Variants in OVCA2 observed in about 807,000 individuals in gnomAD.
The protein encoded by OVCA2 is OVCA2 serine hydrolase domain containing.
In OVCA2, 14 loss-of-function variants were observed where a neutral mutation model predicts 10.1. The observed-to-expected ratio is 1.39, with a 90% CI of 0.92 to 2.17. The LOEUF (loss-of-function observed/expected upper bound fraction) is 2.17. OVCA2 is among the 30% of genes most tolerant of loss of function. The pLI is 0.00. For missense variants in OVCA2, 376 were observed against 300.5 expected (o/e 1.25, Z -1.86); for synonymous variants, 201 against 134.1 (o/e 1.50, Z -3.45).
chr17:2,042,101 C>T lies in OVCA2; in HGVS notation c.54C>T (p.Ser18=). ...RVLCLAGFRQ[S]ERGFREKTGA... ...TGTGCCTGGCGGGCTTCCGGCAGAG[C>T]GAGCGGGGCTTCCGTGAGAAGACCG... The change falls in exon 1 of 2, where the codon AGC becomes AGT. Residue 18 remains serine, a synonymous_variant. Transcript: ENST00000572195. The T allele has an allele frequency of 1.9e-6, 3 of 1,568,746 alleles. No homozygotes were observed. The highest frequency in any genetic ancestry group is 1.7e-6 in the Non-Finnish European group (2 of 1,166,684).
rs1315156731 is a variant in OVCA2 at position 2,042,890 on chromosome 17, G to C, written c.470G>C (p.Gly157Ala). The C allele has an allele frequency of 3.7e-6, 6 of 1,614,196 alleles. No homozygotes were observed. The highest frequency in any genetic ancestry group is 5.1e-6 in the Non-Finnish European group (6 of 1,180,038). ...TCTGGTTTCTGTCCCCGGGGCATTG[G>C]GTTCAAGGAATCCATCCTGCAAAGG... ...LVSGFCPRGI[G>A]FKESILQRPL... Residue 157 changes from glycine (G) to alanine (A), a missense_variant, in exon 2 of 2, where the codon GGG (glycine) becomes GCG (alanine). Physicochemically the swap from Gly to Ala is moderately conservative, Grantham distance 60. Coordinates refer to ENST00000572195, the MANE Select transcript of OVCA2 (RefSeq NM_080822.3).
At position 2,042,936 on chromosome 17, in the gene OVCA2, C is replaced by G; in HGVS notation, c.516C>G (p.Leu172=). Residue 172 remains leucine, a synonymous_variant, in exon 2 of 2, where the codon CTC becomes CTG. Transcript: ENST00000572195. ...ILQRPLSLPS[L]HVFGDTDKVI... Reference sequence around the variant, plus strand: ...AAAGGCCCTTGTCATTGCCTTCGCTCCATGTTTTTGGGGACACTGACAAAG... The same window carrying G: ...AAAGGCCCTTGTCATTGCCTTCGCTGCATGTTTTTGGGGACACTGACAAAG... 1 of 1,614,146 alleles carries G rather than the reference C, an allele frequency of 6.2e-7. No homozygotes were observed. Among genetic ancestry groups the G allele is most frequent in the South Asian group, 1.1e-5 (1 of 91,084 alleles).
rs963611584 is a variant in OVCA2, at chr17:2,042,693, C to T, written c.273C>T (p.Val91=). ...DVFSALEEPA[V]CRGLEESLGM... ...TCTCCGCATTGGAAGAGCCCGCCGT[C>T]TGCAGGGGCCTGGAGGAATCACTGG... The change falls in exon 2 of 2, where the codon GTC becomes GTT. Residue 91 remains valine (V), a synonymous_variant. Coordinates refer to ENST00000572195, the MANE Select transcript of OVCA2 (RefSeq NM_080822.3). 3.9e-6 allele frequency: 6 copies of T among 1,533,128 alleles called. No homozygotes were observed. The highest frequency in any genetic ancestry group is 5.2e-6 in the Non-Finnish European group (6 of 1,143,980). 95.0% of individuals were successfully genotyped at this position (1,533,128 alleles called of 1,614,324 possible).
chr17:2,042,324 C>T (rs2067552962), intron 1 of OVCA2, 93 bp downstream of exon 1: 6 of 1,383,386 alleles, frequency 4.3e-6, no homozygotes, highest in Non-Finnish European at 5.6e-6. Flanking sequence ...CCTGCGTCCA[C>T]CCGCATTCCT....
intron 1 of OVCA2, 121 bp from the exon 2 acceptor site, chr17:2,042,484 G>T: frequency 1.4e-6 from 2 of 1,397,400 alleles, no homozygotes; most frequent in Non-Finnish European, 9.4e-7. Context: ...ATTTCCCCCA[G>T]ACTTTTGCCT....
intron 1 of OVCA2, 141 bp downstream of exon 1, chr17:2,042,372 AC>A (rs1267493781): frequency 7.8e-7 from 1 of 1,289,368 alleles, no homozygotes; most frequent in Non-Finnish European, 1.0e-6. Context: ...CGCGACCCAT[AC>A]CCTCTTTGCT....
chr17:2,042,464 C>T (rs1050934716), intron 1 of OVCA2, 141 bp from the exon 2 acceptor site: 9 of 1,288,684 alleles, frequency 7.0e-6, no homozygotes, highest in Admixed American at 3.1e-5. Flanking sequence ...CCACTCATTT[C>T]CCCCCTCTCA....
rs753330182 is a variant in OVCA2 at position 2,042,634 on chromosome 17, G to C, written c.214G>C (p.Gly72Arg). ...CTGCCCTCCGGAGGAGCAGCCTCGAGGCTGGTGGTTTTCAGAGCAGGAGGC... is the reference window on the plus strand; with the variant it reads ...CTGCCCTCCGGAGGAGCAGCCTCGACGCTGGTGGTTTTCAGAGCAGGAGGC... ...GSCPPEEQPR[G>R]WWFSEQEADV... The change falls in exon 2 of 2, where the codon GGC (glycine) becomes CGC (arginine). Residue 72 changes from glycine (G) to arginine (R), a missense_variant. Coordinates refer to ENST00000572195, the MANE Select transcript of OVCA2 (RefSeq NM_080822.3). 1 of 1,520,700 alleles carries C rather than the reference G, an allele frequency of 6.6e-7. No individual in the cohort carries two copies. Among genetic ancestry groups the C allele is most frequent in the Non-Finnish European group, 8.8e-7 (1 of 1,137,296 alleles). 94.2% of individuals were successfully genotyped at this position (1,520,700 alleles called of 1,614,324 possible). A position where few individuals can be genotyped will look rare whatever the true frequency, so the allele number is the denominator to read the frequency against.
Position 2,042,808 on chromosome 17 carries a change from GC to G in OVCA2, c.391del (p.Leu131TrpfsTer129), listed in dbSNP as rs1422088945. 1 of 1,613,914 alleles carries G rather than the reference GC, an allele frequency of 6.2e-7. No individual in the cohort carries two copies. Among genetic ancestry groups the G allele is most frequent in the South Asian group, 1.1e-5 (1 of 91,088 alleles). ...QGAALAALVC[A>X]LGQAGDPRFP... ...GGCTGCGCTAGCAGCCCTTGTGTGT[GC>G]CCTGGGCCAGGCAGGCGATCCCCGC... On this transcript the variant is annotated frameshift_variant, in exon 2 of 2. Coordinates refer to ENST00000572195, the MANE Select transcript of OVCA2 (RefSeq NM_080822.3). LOFTEE classifies it high-confidence loss of function.
Position 2,042,735 on chromosome 17 carries a change from A to C in OVCA2, c.315A>C (p.Ala105=). 6.3e-7 allele frequency: 1 copy of C among 1,586,298 alleles called. No individual in the cohort carries two copies. Among genetic ancestry groups the C allele is most frequent in the Non-Finnish European group, 8.6e-7 (1 of 1,167,328 alleles). ...LEESLGMVAQ[A]LNRLGPFDGL... ...AATCACTGGGGATGGTGGCACAGGC[A>C]CTGAACAGGCTGGGGCCTTTTGACG... Residue 105 remains alanine, a synonymous_variant, in exon 2 of 2, where the codon GCA becomes GCC. Transcript: ENST00000572195.
In OVCA2 at chr17:2,042,022, G is replaced by A; in HGVS notation, c.-26G>A. 4 of 1,497,326 alleles carry A rather than the reference G, an allele frequency of 2.7e-6. No homozygotes were observed. Among genetic ancestry groups the A allele is most frequent in the Non-Finnish European group, 3.5e-6 (4 of 1,127,078 alleles). The allele number at this position is 1,497,326 out of a possible 1,614,324, so 92.8% of individuals were successfully genotyped here. On this transcript the variant is annotated 5_prime_UTR_variant, in exon 1 of 2. Coordinates refer to ENST00000572195, the MANE Select transcript of OVCA2 (RefSeq NM_080822.3). ...CGCTCGGGGAAAGACCGCTTCCGGTGCTTCCGTCGCTCCTTGCCGGGCATA... is the reference window on the plus strand; with the variant it reads ...CGCTCGGGGAAAGACCGCTTCCGGTACTTCCGTCGCTCCTTGCCGGGCATA...
Position 2,043,035 on chromosome 17 carries a change from CCA to C in OVCA2, c.617_618del (p.His206LeufsTer88). The C allele has an allele frequency of 6.2e-7, 1 of 1,614,060 alleles. No individual in the cohort carries two copies. The highest frequency in any genetic ancestry group is 8.5e-7 in the Non-Finnish European group (1 of 1,180,014). On this transcript the variant is annotated frameshift_variant, in exon 2 of 2. Transcript: ENST00000572195. LOFTEE classifies it high-confidence loss of function. The stretch of plus-strand genomic sequence containing the variant: ...CCATCACCCTCACCCACTCTGGTGG[CCA>C]CTTCATTCCAGCAGCTGCACCCCAG... ...GAITLTHSGGHFIPAAAPQRQ... is the reference protein window; with the variant it reads ...GAITLTHSGGXFIPAAAPQRQ...
rs756462682 is a variant in OVCA2 at position 2,043,097 on chromosome 17, C to T, written c.677C>T (p.Ala226Val). 1.9e-6 allele frequency: 3 copies of T among 1,612,980 alleles called. No individual in the cohort carries two copies. Among genetic ancestry groups the T allele is most frequent in the African/African-American group, 1.3e-5 (1 of 74,894 alleles). The change falls in exon 2 of 2, where the codon GCA (alanine) becomes GTA (valine). Residue 226 changes from alanine to valine, a missense_variant. Coordinates refer to ENST00000572195, the MANE Select transcript of OVCA2 (RefSeq NM_080822.3). ...QAYLKFLDQF[A>V]E Reference sequence around the variant, plus strand: ...TACCTCAAGTTCTTGGACCAGTTTGCAGAGTGAAAGATCAAGAAATGTCTC... The same window carrying T: ...TACCTCAAGTTCTTGGACCAGTTTGTAGAGTGAAAGATCAAGAAATGTCTC...
chr17:2,042,498 T>G, intron 1 of OVCA2, 107 bp from the exon 2 acceptor site: 2 of 1,415,402 alleles, frequency 1.4e-6, no homozygotes, highest in Non-Finnish European at 1.9e-6. Flanking sequence ...TTTGCCTCGA[T>G]TCCCTTTTTC....
intron 1 of OVCA2, 145 bp downstream of exon 1, chr17:2,042,376 T>A: frequency 7.7e-7 from 1 of 1,296,286 alleles, no homozygotes; most frequent in Non-Finnish European, 1.0e-6. Context: ...ACCCATACCC[T>A]CTTTGCTCAA....
In OVCA2 at chr17:2,042,178, GCCCGCACCCGGTC is replaced by G. The variant is rs757304195; in HGVS notation, c.136_148del (p.His46ThrfsTer57). On this transcript the variant is annotated frameshift_variant, in exon 1 of 2. Transcript: ENST00000572195. LOFTEE classifies it high-confidence loss of function. Reference sequence around the variant, plus strand: ...CGCGCCGAGCTCGTGTGCCTCAGCGGCCCGCACCCGGTCCCCGACCCCCCGGGCCCCGAGGGCG... The same window carrying G: ...CGCGCCGAGCTCGTGTGCCTCAGCGGCCCGACCCCCCGGGCCCCGAGGGCG... 1.0e-5 allele frequency: 15 copies of G among 1,451,576 alleles called. No homozygotes were observed. The East Asian group carries it at 3.5e-4, about 34-fold the overall frequency. 89.9% of individuals were successfully genotyped at this position (1,451,576 alleles called of 1,614,324 possible). A position where few individuals can be genotyped will look rare whatever the true frequency, so the allele number is the denominator to read the frequency against.
chr17:2,042,446 A>T, intron 1 of OVCA2, 159 bp from the exon 2 acceptor site: 1 of 1,276,862 alleles, frequency 7.8e-7, no homozygotes, highest in Non-Finnish European at 1.0e-6. Flanking sequence ...TCTCCTGTTC[A>T]GGCCAATCCA....
In OVCA2 at chr17:2,043,170, C is replaced by T; in HGVS notation, c.*66C>T. 6 of 1,537,460 alleles carry T rather than the reference C, an allele frequency of 3.9e-6. No individual in the cohort carries two copies. Among genetic ancestry groups the T allele is most frequent in the Non-Finnish European group, 5.3e-6 (6 of 1,135,364 alleles). ...AGGGGCAGCCTCCGTCATCCATGCCCTCCCAGGACCCTCCACTCACTGCTG... is the reference window on the plus strand; with the variant it reads ...AGGGGCAGCCTCCGTCATCCATGCCTTCCCAGGACCCTCCACTCACTGCTG... On this transcript the variant is annotated 3_prime_UTR_variant, in exon 2 of 2. Transcript: ENST00000572195.
intron 1 of OVCA2, 175 bp downstream of exon 1, chr17:2,042,406 G>T: frequency 7.9e-7 from 1 of 1,257,898 alleles, no homozygotes; most frequent in South Asian, 1.9e-5. Context: ...TGTCCTCCCA[G>T]GCTTCCGCCT....
Sources: allele counts gnomAD v4.1 joint callset, GRCh38; gene constraint gnomAD v4.1.1; transcripts MANE v1.5; gene names NCBI Gene and HGNC (gene_info 2026-07-23, HGNC 2026-07-21).